The following DCC variants were observed in gnomAD, a reference collection of about 807,000 sequenced individuals.
DCC encodes DCC netrin 1 receptor, also known as netrin receptor DCC.
A neutral mutation model predicts 172.5 loss-of-function variants in DCC; 58 were observed. That is an observed-to-expected ratio of 0.34 (90% CI 0.27 to 0.42). DCC has a LOEUF of 0.42. DCC is among the 10% of genes least tolerant of loss of function. The pLI is 1.00. For synonymous variants in DCC, 709 were observed against 644.5 expected, an observed-to-expected ratio of 1.10 and a Z score of -1.52; for missense variants, 1,740 against 1,791.0, an observed-to-expected ratio of 0.97 and a Z score of 0.51.
intron 25 of DCC, among the ~76,000 whole-genome samples, chr18:53,473,173 C>A (rs2045719585): frequency 6.6e-6 from 1 of 152,156 alleles, no homozygotes; most frequent in Non-Finnish European, 1.5e-5. Context: ...GTTCTTGTAG[C>A]ACGATATAGC....
intron 7 of DCC, among the ~76,000 whole-genome samples, chr18:53,103,475 C>G (rs996669399): frequency 6.6e-6 from 1 of 152,000 alleles, no homozygotes; most frequent in Admixed American, 6.6e-5. Context: ...AGCCTGGGCT[C>G]AAGTGATCCC....
chr18:53,081,528 A>G (rs1425964636), intron 7 of DCC, among the ~76,000 whole-genome samples: 1 of 152,012 alleles, frequency 6.6e-6, no homozygotes. Context: ...AAAGAAAAAA[A>G]AAAAGACCTC....
intron 15 of DCC, among the ~76,000 whole-genome samples, chr18:53,346,063 G>T (rs1337108870): frequency 6.6e-6 from 1 of 151,956 alleles, no homozygotes; most frequent in Non-Finnish European, 1.5e-5. Context: ...GAGCTCTCAT[G>T]GCTCACTGCA....
At chr18:53,435,811 A>G (rs997758236) in intron 22 of DCC, among the ~76,000 whole-genome samples, 1 of 152,188 alleles carries the variant, frequency 6.6e-6, no homozygotes, top group African/African-American at 2.4e-5. Flanking sequence ...ACATAGAAGG[A>G]CAAGGTTGGT....
chr18:53,195,876 G>A (rs552561668), intron 9 of DCC, among the ~76,000 whole-genome samples: 2 of 152,138 alleles, frequency 1.3e-5, no homozygotes, highest in Non-Finnish European at 2.9e-5. Flanking sequence ...GATTATATAT[G>A]ATATATTGTT....
At chr18:52,755,994 T>G (rs1288533328) in intron 2 of DCC, among the ~76,000 whole-genome samples, 2 of 152,156 alleles carry the variant, frequency 1.3e-5, no homozygotes, top group Non-Finnish European at 2.9e-5. Context: ...AACGAAGAAC[T>G]ATCATTCCAT....
intron 1 of DCC, among the ~76,000 whole-genome samples, chr18:52,541,890 T>TATA (rs1555695228): frequency 2.8e-5 from 4 of 142,812 alleles, no homozygotes; most frequent in South Asian, 4.3e-4. Context: ...TATATATATA[T>TATA]ATATATGTGT....
chr18:52,993,440 A>G (rs887871533), intron 5 of DCC, among the ~76,000 whole-genome samples: 1 of 152,186 alleles, frequency 6.6e-6, no homozygotes, highest in African/African-American at 2.4e-5. Context: ...ATTCCCTCTC[A>G]CAACACCACA....
intron 1 of DCC, among the ~76,000 whole-genome samples, chr18:52,445,063 GAAAC>G (rs796303770): frequency 2.6e-5 from 4 of 152,180 alleles, no homozygotes; most frequent in African/African-American, 9.6e-5. Context: ...ATGCAAGGTG[GAAAC>G]AAACACAGGA....
rs1312235244 is a variant in DCC at position 52,351,674 on chromosome 18, C to T, written c.91+10796C>T. ...TAAAAATAGAATTGCCATGGACATT[C>T]CTTGTTCTGGGGCCTCCTTCAAAAT... On this transcript the variant is annotated intron_variant, in intron 1 of 28. Coordinates refer to ENST00000442544, the MANE Select transcript of DCC (RefSeq NM_005215.4). Among the ~76,000 whole-genome samples, 3 of 152,264 alleles carry T rather than the reference C, an allele frequency of 2.0e-5. No individual in the cohort carries two copies. The East Asian group carries it at 5.8e-4, about 29-fold the overall frequency.
intron 2 of DCC, among the ~76,000 whole-genome samples, chr18:52,759,520 T>C (rs1403245340): frequency 2.0e-5 from 3 of 152,178 alleles, no homozygotes; most frequent in Admixed American, 2.0e-4. Flanking sequence ...AGAGCTCTGT[T>C]CTTTTATTCA....
chr18:53,449,014 T>G (rs1051514187), intron 22 of DCC, among the ~76,000 whole-genome samples: 1 of 152,246 alleles, frequency 6.6e-6, no homozygotes, highest in Non-Finnish European at 1.5e-5. Context: ...TACATGTATT[T>G]TATCTAATTC....
At chr18:52,874,817 G>A (rs2039377377) in intron 2 of DCC, among the ~76,000 whole-genome samples, 1 of 152,230 alleles carries the variant, frequency 6.6e-6, no homozygotes, top group Admixed American at 6.5e-5. Context: ...GGCCACAGGG[G>A]AAAGAAACTA....
At chr18:52,705,986 T>C (rs2036203456) in intron 1 of DCC, among the ~76,000 whole-genome samples, 1 of 152,200 alleles carries the variant, frequency 6.6e-6, no homozygotes, top group African/African-American at 2.4e-5. Context: ...CTGGGCAATC[T>C]GTGGATAGAG....
chr18:52,859,586 T>C (rs1485314506), intron 2 of DCC, among the ~76,000 whole-genome samples: 2 of 152,140 alleles, frequency 1.3e-5, no homozygotes, highest in Non-Finnish European at 2.9e-5. Flanking sequence ...ATCAAATAGA[T>C]GGTGAATGTT....
At chr18:52,755,037 A>G (rs1213412929) in intron 2 of DCC, among the ~76,000 whole-genome samples, 1 of 152,198 alleles carries the variant, frequency 6.6e-6, no homozygotes, top group Non-Finnish European at 1.5e-5. Context: ...TGTTAATGTT[A>G]ATTATGATTG....
At position 52,489,936 on chromosome 18, in the gene DCC, C is replaced by T. The variant is rs1185856570; in HGVS notation, c.91+149058C>T. ...AGTGGAATGTTCCTCTTTTTACAAA[C>T]ATTTATTGTGAGTAGCATAAACATT... On this transcript the variant is annotated intron_variant, in intron 1 of 28. Transcript: ENST00000442544. Among the ~76,000 whole-genome samples the T allele has an allele frequency of 2.0e-5, 3 of 152,202 alleles. No homozygotes were observed. In the South Asian group the frequency reaches 6.2e-4, roughly 32 times the overall value.
intron 14 of DCC, among the ~76,000 whole-genome samples, chr18:53,335,362 C>T (rs554291120): frequency 6.6e-6 from 1 of 152,094 alleles, no homozygotes; most frequent in Non-Finnish European, 1.5e-5. Flanking sequence ...CTTTCCTCTC[C>T]CACCACTATA....
intron 1 of DCC, among the ~76,000 whole-genome samples, chr18:52,343,884 G>T (rs1312596024): frequency 1.3e-5 from 2 of 152,206 alleles, no homozygotes; most frequent in African/African-American, 4.8e-5. Flanking sequence ...GTATGGCAGA[G>T]CCTGAGGGCT....
Sources: allele counts gnomAD v4.1 joint callset (sites outside exome capture counted in the v4.1 genomes callset), GRCh38; gene constraint gnomAD v4.1.1; transcripts MANE v1.5; gene names NCBI Gene and HGNC (gene_info 2026-07-23, HGNC 2026-07-21).